The following FOLH1 variants were observed in gnomAD, a reference collection of about 807,000 sequenced individuals.
FOLH1 encodes the protein glutamate carboxypeptidase 2.
Under a neutral mutation model 93.9 loss-of-function variants are expected in FOLH1, and 54 were observed. The observed-to-expected ratio is 0.57, with a 90% CI of 0.46 to 0.72. FOLH1 has a LOEUF of 0.72. Ranked by LOEUF, FOLH1 falls within the 30% of genes least tolerant of loss-of-function variation. FOLH1 has a pLI of 0.00. For synonymous variants in FOLH1, 249 were observed against 303.6 expected, an observed-to-expected ratio of 0.82 and a Z score of 1.87; for missense variants, 571 against 892.5, an observed-to-expected ratio of 0.64 and a Z score of 4.59.
chr11:49,172,668 A>G (rs1237009475), intron 10 of FOLH1, among the ~76,000 whole-genome samples: 1 of 152,202 alleles, frequency 6.6e-6, no homozygotes, highest in Admixed American at 6.5e-5. Flanking sequence ...TATATAGATT[A>G]CATTTTACAG....
chr11:49,171,780 T>C (rs1351468076), intron 10 of FOLH1, among the ~76,000 whole-genome samples: 1 of 152,052 alleles, frequency 6.6e-6, no homozygotes, highest in East Asian at 1.9e-4. Context: ...CAATGTTTGC[T>C]GTTGCTGAAA....
intron 4 of FOLH1, among the ~76,000 whole-genome samples, chr11:49,187,219 A>G (rs527678230): frequency 6.6e-6 from 1 of 152,300 alleles, no homozygotes; most frequent in East Asian, 1.9e-4. Context: ...CACAGGTAAC[A>G]TCATTGCTTC....
intron 2 of FOLH1, among the ~76,000 whole-genome samples, chr11:49,202,472 G>A (rs968476674): frequency 6.6e-6 from 1 of 151,838 alleles, no homozygotes; most frequent in Non-Finnish European, 1.5e-5. Flanking sequence ...TGCAATCATA[G>A]CTCACTAAAA....
rs763560048 is a variant in FOLH1 at position 49,157,992 on chromosome 11, T to A, written c.1492A>T (p.Thr498Ser). The A allele has an allele frequency of 1.0e-5, 16 of 1,600,794 alleles. No homozygotes were observed. Among genetic ancestry groups the A allele is most frequent in the Middle Eastern group, 1.7e-4 (1 of 6,030 alleles). ...AACTCTGGGGAAGGACTTTTTTTAG[T>A]CCAACTTTCATAAAGAGATTTGCCT... ...FEGKSLYESW[T>S]KKSPSPEFSG... The change falls in exon 14 of 19, where the codon ACT becomes TCT. Residue 498 changes from threonine (T) to serine (S), a missense_variant. Thr to Ser is a moderately conservative substitution (Grantham distance 58). Around this residue, in one of 2 missense-constraint regions of FOLH1, gnomAD observed 500 missense variants for 822.9 expected, o/e 0.61. Transcript: ENST00000256999.
intron 2 of FOLH1, among the ~76,000 whole-genome samples, chr11:49,203,908 A>G (rs1397754624): frequency 6.6e-6 from 1 of 152,216 alleles, no homozygotes; most frequent in African/African-American, 2.4e-5. Context: ...TAGCAGTGCC[A>G]GGGAGAGGCC....
intron 9 of FOLH1, 138 bp downstream of exon 9, chr11:49,174,754 T>C: frequency 1.3e-6 from 1 of 760,648 alleles, no homozygotes; most frequent in Non-Finnish European, 2.1e-6. Flanking sequence ...TTCCTTTGTT[T>C]TTAGGTGAGT....
chr11:49,150,504 G>C (rs1856384153), intron 17 of FOLH1, among the ~76,000 whole-genome samples: 1 of 152,082 alleles, frequency 6.6e-6, no homozygotes, highest in Non-Finnish European at 1.5e-5. Context: ...ATTAAAATAA[G>C]ATGACTTGCT....
chr11:49,162,627 C>A (rs958939379), intron 13 of FOLH1, among the ~76,000 whole-genome samples: 2 of 152,128 alleles, frequency 1.3e-5, no homozygotes, highest in African/African-American at 2.4e-5. Context: ...GGTTCCGAAA[C>A]CTTGCTGGAG....
chr11:49,199,281 G>T (rs1054630298), intron 3 of FOLH1, among the ~76,000 whole-genome samples: 1 of 152,116 alleles, frequency 6.6e-6, no homozygotes, highest in African/African-American at 2.4e-5. Context: ...GTTAAGTAAG[G>T]ATGAATGTAT....
rs181091969 is a variant in FOLH1 at position 49,200,573 on chromosome 11, T to C, written c.225-132A>G. ...CGTTAAAAAATTAAAGTGGTAGTAT[T>C]ATTGCATGAAATAGATTTTCAAAGT... On this transcript the variant is annotated intron_variant, in intron 2 of 18. Coordinates refer to ENST00000256999, the MANE Select transcript of FOLH1 (RefSeq NM_004476.3). The C allele has an allele frequency of 5.5e-6, 5 of 910,124 alleles. No homozygotes were observed. In the Admixed American group the frequency reaches 1.2e-4, roughly 22 times the overall value. 56.4% of individuals were successfully genotyped at this position (910,124 alleles called of 1,614,324 possible). A position where few individuals can be genotyped will look rare whatever the true frequency, so the allele number is the denominator to read the frequency against.
chr11:49,187,193 C>T (rs1397368471), intron 4 of FOLH1, among the ~76,000 whole-genome samples: 1 of 152,098 alleles, frequency 6.6e-6, no homozygotes. Flanking sequence ...TAACAACCAC[C>T]AAGTAAAGAA....
chr11:49,179,355 T>C (rs1038485149), intron 7 of FOLH1, among the ~76,000 whole-genome samples: 4 of 152,202 alleles, frequency 2.6e-5, no homozygotes, highest in Non-Finnish European at 5.9e-5. Context: ...CTGGATAAAT[T>C]TAAAAGGTTG....
At chr11:49,184,665 T>A (rs1317400146) in intron 6 of FOLH1, among the ~76,000 whole-genome samples, 3 of 152,198 alleles carry the variant, frequency 2.0e-5, no homozygotes, top group Non-Finnish European at 4.4e-5. Flanking sequence ...TACATACTCT[T>A]TACAGGAGTC....
intron 4 of FOLH1, among the ~76,000 whole-genome samples, chr11:49,189,808 A>AT (rs1861827931): frequency 6.6e-6 from 1 of 152,234 alleles, no homozygotes; most frequent in African/African-American, 2.4e-5. Context: ...TTAAAAGGTG[A>AT]TAAGTAGTAT....
chr11:49,171,452 A>G (rs1263889437), intron 10 of FOLH1, among the ~76,000 whole-genome samples, 175 bp from the exon 11 acceptor site: 2 of 152,184 alleles, frequency 1.3e-5, no homozygotes, highest in Non-Finnish European at 1.5e-5. Flanking sequence ...AAAGTTGTCA[A>G]TACAAAATAG....
rs1864241715 is a variant in FOLH1, at chr11:49,208,567, A to G, written c.-158T>C. On this transcript the variant is annotated 5_prime_UTR_variant, in exon 1 of 19. Transcript: ENST00000256999. ...GGAATTCGCTCCAGACCTGGGGTCCAGTTTCTCCACCACAGCAGTGTTTCT... is the reference window on the plus strand; with the variant it reads ...GGAATTCGCTCCAGACCTGGGGTCCGGTTTCTCCACCACAGCAGTGTTTCT... 7.5e-6 allele frequency: 4 copies of G among 535,632 alleles called. No homozygotes were observed. The highest frequency in any genetic ancestry group is 1.3e-5 in the Non-Finnish European group (4 of 303,076). 33.2% of individuals were successfully genotyped at this position (535,632 alleles called of 1,614,324 possible).
chr11:49,177,435 A>C (rs1297333897), intron 7 of FOLH1, among the ~76,000 whole-genome samples: 3 of 152,138 alleles, frequency 2.0e-5, no homozygotes, highest in Non-Finnish European at 2.9e-5. Context: ...ATATACATAT[A>C]CTTAATTATA....
chr11:49,194,826 CATAAGT>C (rs1466944305), intron 3 of FOLH1, among the ~76,000 whole-genome samples: 4 of 151,792 alleles, frequency 2.6e-5, no homozygotes, highest in African/African-American at 9.7e-5. Context: ...AAGGCTACTA[CATAAGT>C]ATAAGTCTGT....
At position 49,183,642 on chromosome 11, in the gene FOLH1, A is replaced by C. The variant is rs1302759652; in HGVS notation, c.827-400T>G. On this transcript the variant is annotated intron_variant, in intron 6 of 18. Coordinates refer to ENST00000256999, the MANE Select transcript of FOLH1 (RefSeq NM_004476.3). The stretch of plus-strand genomic sequence containing the variant: ...GTTTCTAACAACAGAAGAATGAATA[A>C]ACAATCCGTAGTATAATCCCACAAT... 2.0e-5 allele frequency among the ~76,000 whole-genome samples: 3 copies of C among 152,216 alleles called. 1 individual carries two copies. Among genetic ancestry groups the C allele is most frequent in the African/African-American group, 7.2e-5 (3 of 41,466 alleles).
Sources: gnomAD v4.1 joint callset for allele counts (sites outside exome capture counted in the v4.1 genomes callset) on GRCh38, gnomAD v4.1.1 for gene constraint, gnomAD v4.1.1 regional missense constraint, MANE v1.5 for transcripts, NCBI Gene and HGNC (gene_info 2026-07-23, HGNC 2026-07-21) for gene names.